Variants in KCNAB1 observed in about 807,000 individuals in gnomAD.
KCNAB1 encodes the protein potassium voltage-gated channel subfamily A regulatory beta subunit 1.
KCNAB1 carries 35 observed loss-of-function variants against 64.6 expected under a neutral mutation model. The ratio of observed to expected loss-of-function variants is 0.54; its 90% CI spans 0.41 to 0.72. KCNAB1 has a LOEUF of 0.72. Among genes scored for constraint, KCNAB1 ranks in the 30% least tolerant of loss-of-function variants. KCNAB1 has a pLI of 0.00. For missense variants in KCNAB1, 401 were observed against 512.9 expected, an observed-to-expected ratio of 0.78 and a Z score of 2.11; for synonymous variants, 177 against 183.8, an observed-to-expected ratio of 0.96 and a Z score of 0.30.
At chr3:156,128,473 A>G (rs1167093467) in intron 1 of KCNAB1, among the ~76,000 whole-genome samples, 3 of 152,234 alleles carry the variant, frequency 2.0e-5, no homozygotes. Flanking sequence ...AATTTTTTAA[A>G]AAGTGTTCTT....
intron 1 of KCNAB1, among the ~76,000 whole-genome samples, chr3:156,306,334 C>A (rs1721490284): frequency 6.6e-6 from 1 of 152,112 alleles, no homozygotes; most frequent in Non-Finnish European, 1.5e-5. Context: ...CACTTGAAAT[C>A]CCAACTCCAA....
At chr3:156,362,209 A>T (rs900482672) in intron 1 of KCNAB1, among the ~76,000 whole-genome samples, 1 of 152,222 alleles carries the variant, frequency 6.6e-6, no homozygotes, top group Non-Finnish European at 1.5e-5. Context: ...TTCATTATTG[A>T]TGCTCTTCTA....
chr3:156,318,472 A>G (rs1722444032), intron 1 of KCNAB1, among the ~76,000 whole-genome samples: 1 of 152,070 alleles, frequency 6.6e-6, no homozygotes, highest in African/African-American at 2.4e-5. Flanking sequence ...TTGTTGGAAT[A>G]TGGACCCTAT....
intron 12 of KCNAB1, among the ~76,000 whole-genome samples, chr3:156,525,795 T>G (rs1718273802): frequency 6.6e-6 from 1 of 152,264 alleles, no homozygotes; most frequent in African/African-American, 2.4e-5. Flanking sequence ...ATTACAGGCA[T>G]GAGCCACTGT....
intron 1 of KCNAB1, among the ~76,000 whole-genome samples, chr3:156,123,862 T>C (rs763800308): frequency 2.8e-4 from 42 of 152,158 alleles, no homozygotes; most frequent in Non-Finnish European, 5.4e-4. Flanking sequence ...TTTACAAAAG[T>C]AACATCTGAA....
chr3:156,325,378 A>G (rs1253943600), intron 1 of KCNAB1, among the ~76,000 whole-genome samples: 1 of 152,088 alleles, frequency 6.6e-6, no homozygotes, highest in Admixed American at 6.6e-5. Flanking sequence ...TATTTTTGTT[A>G]CACTTTATTG....
intron 2 of KCNAB1, among the ~76,000 whole-genome samples, chr3:156,443,578 G>A (rs1443448337): frequency 6.6e-6 from 1 of 152,148 alleles, no homozygotes; most frequent in Non-Finnish European, 1.5e-5. Context: ...TAGAGCTGAT[G>A]TATGTAAAGC....
chr3:156,372,367 A>G (rs1726364155), intron 1 of KCNAB1, among the ~76,000 whole-genome samples: 1 of 152,224 alleles, frequency 6.6e-6, no homozygotes, highest in Non-Finnish European at 1.5e-5. Flanking sequence ...TTCACCTCAT[A>G]GGGTTGTTTT....
At chr3:156,420,261 A>G (rs925104044) in intron 1 of KCNAB1, among the ~76,000 whole-genome samples, 4 of 152,370 alleles carry the variant, frequency 2.6e-5, no homozygotes, top group African/African-American at 9.6e-5. Flanking sequence ...TCAACGCTAC[A>G]TCTTCCAAAT....
intron 1 of KCNAB1, among the ~76,000 whole-genome samples, chr3:156,208,610 G>T (rs1400274003): frequency 6.6e-6 from 1 of 152,114 alleles, no homozygotes; most frequent in East Asian, 1.9e-4. Flanking sequence ...TGTTATGAGG[G>T]TTTATGTTAA....
chr3:156,420,742 G>T (rs2108225292), intron 1 of KCNAB1, among the ~76,000 whole-genome samples: 1 of 152,190 alleles, frequency 6.6e-6, no homozygotes, highest in African/African-American at 2.4e-5. Flanking sequence ...CTGAGAATTT[G>T]TTTTTTTCCT....
intron 8 of KCNAB1, among the ~76,000 whole-genome samples, chr3:156,509,091 G>C (rs1343849541): frequency 6.6e-6 from 1 of 152,158 alleles, no homozygotes. Context: ...GGGAAAGAGG[G>C]AGAGGAAGAG....
chr3:156,245,764 G>A (rs1717417602), intron 1 of KCNAB1, among the ~76,000 whole-genome samples: 1 of 152,144 alleles, frequency 6.6e-6, no homozygotes, highest in African/African-American at 2.4e-5. Flanking sequence ...ATGGACTGTA[G>A]GGTCAGCTAA....
chr3:156,453,732 T>C (rs1050052331), intron 3 of KCNAB1, among the ~76,000 whole-genome samples: 2 of 152,136 alleles, frequency 1.3e-5, no homozygotes, highest in African/African-American at 4.8e-5. Context: ...CTCTGATCCT[T>C]CCGTGTCTAC....
chr3:156,292,736 T>G (rs556768420), intron 1 of KCNAB1, among the ~76,000 whole-genome samples: 2 of 152,316 alleles, frequency 1.3e-5, no homozygotes, highest in African/African-American at 4.8e-5. Flanking sequence ...AGAAAAGAGC[T>G]TTCACCATGT....
chr3:156,475,297 C>T (rs917589898), intron 8 of KCNAB1, among the ~76,000 whole-genome samples: 2 of 152,150 alleles, frequency 1.3e-5, no homozygotes, highest in Non-Finnish European at 1.5e-5. Flanking sequence ...GATATCATTG[C>T]AGTTTGATTG....
Position 156,510,427 on chromosome 3 carries a change from C to G in KCNAB1, c.659-3937C>G, listed in dbSNP as rs530509782. Among the ~76,000 whole-genome samples the G allele has an allele frequency of 3.3e-5, 5 of 152,218 alleles. No homozygotes were observed. The South Asian group carries it at 1.0e-3, about 32-fold the overall frequency. ...CTGTCCCTCCTCCCTCTCCCTTTATCAAGTCTCTCTCCCTCTTCCTTCCCA... is the reference window on the plus strand; with the variant it reads ...CTGTCCCTCCTCCCTCTCCCTTTATGAAGTCTCTCTCCCTCTTCCTTCCCA... On this transcript the variant is annotated intron_variant, in intron 8 of 13. Transcript: ENST00000490337.
chr3:156,531,620 C>A, intron 13 of KCNAB1, 123 bp downstream of exon 13: 1 of 732,082 alleles, frequency 1.4e-6, no homozygotes, highest in South Asian at 1.5e-5. Flanking sequence ...GGAACAAAGG[C>A]AACAGAACAC....
At chr3:156,154,161 G>A (rs1326556768) in intron 1 of KCNAB1, among the ~76,000 whole-genome samples, 1 of 152,136 alleles carries the variant, frequency 6.6e-6, no homozygotes, top group African/African-American at 2.4e-5. Flanking sequence ...TTTCCACTTA[G>A]AGGTGGTGCT....
Sources: allele counts gnomAD v4.1 joint callset (sites outside exome capture counted in the v4.1 genomes callset), GRCh38; gene constraint gnomAD v4.1.1; transcripts MANE v1.5; gene names NCBI Gene and HGNC (gene_info 2026-07-23, HGNC 2026-07-21).